TENM3: variants seen among roughly 807,000 people sequenced by gnomAD.
TENM3 encodes the protein teneurin transmembrane protein 3.
Under a neutral mutation model 255.1 loss-of-function variants are expected in TENM3, and 63 were observed. The ratio of observed to expected loss-of-function variants is 0.25; its 90% CI spans 0.20 to 0.30. The LOEUF is 0.30. Ranked by LOEUF, TENM3 falls within the 10% of genes least tolerant of loss-of-function variation. TENM3 has a pLI of 1.00. For missense variants in TENM3, 2,929 were observed against 3,461.1 expected (o/e 0.85, Z 3.86); for synonymous variants, 1,306 against 1,322.3 (o/e 0.99, Z 0.27).
the TENM3 span, among the ~76,000 whole-genome samples, chr4:181,624,677 T>C: frequency 3.3e-5 from 5 of 152,340 alleles, no homozygotes; most frequent in East Asian, 7.7e-4. Flanking sequence ...TCTCTATGCT[T>C]TCTCCCTAGC....
At chr4:181,734,550 TTTG>T in the TENM3 span, among the ~76,000 whole-genome samples, 1 of 152,122 alleles carries the variant, frequency 6.6e-6, no homozygotes, top group African/African-American at 2.4e-5. Context: ...TATGACCAAA[TTTG>T]TTGTTTAGGC....
rs1221413197 is a variant in TENM3, at chr4:182,800,564, G to A, written c.*213G>A. ...ACGAATATGTTTACATATGCATAGCGCTGCACTCAGTCGGACTGAACGTAG... is the reference window on the plus strand; with the variant it reads ...ACGAATATGTTTACATATGCATAGCACTGCACTCAGTCGGACTGAACGTAG... On this transcript the variant is annotated 3_prime_UTR_variant, in exon 28 of 28. Coordinates refer to ENST00000511685, the MANE Select transcript of TENM3 (RefSeq NM_001080477.4). The A allele has an allele frequency of 7.4e-6, 4 of 539,892 alleles. No individual in the cohort carries two copies. Among genetic ancestry groups the A allele is most frequent in the East Asian group, 7.2e-5 (2 of 27,844 alleles). The allele number at this position is 539,892 out of a possible 1,614,324, so 33.4% of individuals were successfully genotyped here. A position where few individuals can be genotyped will look rare whatever the true frequency, so the allele number is the denominator to read the frequency against.
At chr4:181,649,171 C>G in the TENM3 span, among the ~76,000 whole-genome samples, 1 of 152,184 alleles carries the variant, frequency 6.6e-6, no homozygotes, top group Non-Finnish European at 1.5e-5. Context: ...GAAAATGCAT[C>G]AGGCTGAGTA....
At chr4:181,513,981 C>T in the TENM3 span, among the ~76,000 whole-genome samples, 1 of 152,034 alleles carries the variant, frequency 6.6e-6, no homozygotes, top group Non-Finnish European at 1.5e-5. Context: ...AATAATTTTC[C>T]ACCTCAACTA....
At chr4:181,767,234 AGT>A in the TENM3 span, among the ~76,000 whole-genome samples, 2 of 132,676 alleles carry the variant, frequency 1.5e-5, no homozygotes, top group East Asian at 4.7e-4. Context: ...CCTGGGCGAG[AGT>A]GCGAGACTCC....
At chr4:181,897,763 A>G in the TENM3 span, among the ~76,000 whole-genome samples, 1 of 152,330 alleles carries the variant, frequency 6.6e-6, no homozygotes, top group African/African-American at 2.4e-5. Context: ...ACTTGTGTAA[A>G]CAATGCATTT....
At chr4:182,597,693 A>G (rs372085570) in intron 3 of TENM3, among the ~76,000 whole-genome samples, 30 of 152,192 alleles carry the variant, frequency 2.0e-4, no homozygotes, top group African/African-American at 6.3e-4. Context: ...CTTGTATTCT[A>G]TCTTTATTTT....
chr4:181,966,352 C>T, the TENM3 span, among the ~76,000 whole-genome samples: 1 of 152,150 alleles, frequency 6.6e-6, no homozygotes, highest in African/African-American at 2.4e-5. Context: ...GGTAGGGAGC[C>T]ATATGGTGGA....
At chr4:182,025,329 G>C in the TENM3 span, among the ~76,000 whole-genome samples, 6 of 152,184 alleles carry the variant, frequency 3.9e-5, no homozygotes, top group South Asian at 2.1e-4. Flanking sequence ...CGCCTGGCTA[G>C]GATTTCATTC....
intron 1 of TENM3, among the ~76,000 whole-genome samples, chr4:182,188,029 TTAAA>T (rs1753280453): frequency 6.6e-6 from 1 of 152,182 alleles, no homozygotes; most frequent in Non-Finnish European, 1.5e-5. Flanking sequence ...GATACAGTGT[TTAAA>T]TACTAAACAG....
At chr4:182,770,713 G>T (rs17330216) in intron 22 of TENM3, among the ~76,000 whole-genome samples, 28,351 of 152,204 alleles carry the variant, frequency 0.19, 2,967 homozygotes, top group African/African-American at 0.21. Context: ...ACACTCATTT[G>T]TAATAGTTAA....
At chr4:182,505,639 C>T (rs976163959) in intron 3 of TENM3, among the ~76,000 whole-genome samples, 5 of 151,984 alleles carry the variant, frequency 3.3e-5, no homozygotes, top group African/African-American at 4.8e-5. Context: ...CTACCACGCC[C>T]GGCTATTTTT....
At chr4:181,913,740 A>G in the TENM3 span, among the ~76,000 whole-genome samples, 1 of 152,180 alleles carries the variant, frequency 6.6e-6, no homozygotes, top group Non-Finnish European at 1.5e-5. Context: ...AATGGAGAAC[A>G]AAGAACAGGG....
In TENM3 at chr4:182,799,555, C is replaced by T. The variant is rs747671481; in HGVS notation, c.7345-41C>T. On this transcript the variant is annotated intron_variant, in intron 27 of 27. Coordinates refer to ENST00000511685, the MANE Select transcript of TENM3 (RefSeq NM_001080477.4). This position sits in a 1 kb window ranked among gnomAD's most constrained non-coding sequence, Gnocchi z 4.2. ...TGTGGGTCAGGAGTGGGGAGGCTCC[C>T]GGCCGCCTCTGACGCGCCCCCTCTT... is the stretch of plus-strand genomic sequence containing the variant. 4.6e-6 allele frequency: 7 copies of T among 1,521,332 alleles called. No homozygotes were observed. The highest frequency in any genetic ancestry group is 1.2e-5 in the South Asian group (1 of 82,616). The allele number at this position is 1,521,332 out of a possible 1,614,324, so 94.2% of individuals were successfully genotyped here. A position where few individuals can be genotyped will look rare whatever the true frequency, so the allele number is the denominator to read the frequency against.
At chr4:182,731,195 G>A (rs1426875461) in intron 16 of TENM3, 56 bp downstream of exon 16, 1 of 1,563,468 alleles carries the variant, frequency 6.4e-7, no homozygotes, top group African/African-American at 1.4e-5. Context: ...ATCATGTTTT[G>A]CCAGAGAATC....
chr4:182,220,833 A>G (rs1755810366), intron 1 of TENM3, among the ~76,000 whole-genome samples: 1 of 152,178 alleles, frequency 6.6e-6, no homozygotes. Flanking sequence ...CCTGTGTAAT[A>G]TTAAATAATA....
intron 5 of TENM3, chr4:182,631,794 A>G (rs1033267950): frequency 1.3e-5 from 2 of 152,360 alleles, no homozygotes; most frequent in Middle Eastern, 3.4e-3. Flanking sequence ...ACATTAAAAA[A>G]GAGCTTGAGG....
chr4:181,529,553 G>T, the TENM3 span, among the ~76,000 whole-genome samples: 1 of 152,122 alleles, frequency 6.6e-6, no homozygotes, highest in Non-Finnish European at 1.5e-5. Context: ...CTACAATCAC[G>T]TGGGGTGGGG....
At position 182,349,482 on chromosome 4, in the gene TENM3, G is replaced by A. The variant is rs905993674; in HGVS notation, c.511+2553G>A. ...GAAGCATAATTTTCTGAAGTATTTA[G>A]CAGACCTTATAATTTTGAATTGTGG... On this transcript the variant is annotated intron_variant, in intron 3 of 27. Transcript: ENST00000511685. Among the ~76,000 whole-genome samples, 3 of 152,168 alleles carry A rather than the reference G, an allele frequency of 2.0e-5. No homozygotes were observed. The East Asian group carries it at 5.8e-4, about 29-fold the overall frequency.
Sources: gnomAD v4.1 joint callset for allele counts (sites outside exome capture counted in the v4.1 genomes callset) on GRCh38, gnomAD v4.1.1 for gene constraint, Gnocchi (gnomAD v3.1) non-coding constraint, MANE v1.5 for transcripts, NCBI Gene and HGNC (gene_info 2026-07-23, HGNC 2026-07-21) for gene names.